OR51A7: variants seen among roughly 807,000 people sequenced by gnomAD.
The protein encoded by OR51A7 is olfactory receptor family 51 subfamily A member 7.
For missense variants in OR51A7, 409 were observed against 374.5 expected (o/e 1.09, Z -0.76); for synonymous variants, 143 against 135.5 (o/e 1.05, Z -0.38).
At position 4,908,281 on chromosome 11, in the gene OR51A7, G is replaced by C; in HGVS notation, c.912G>C (p.Gly304=). The change falls in exon 2 of 2, where the codon GGG becomes GGC. Residue 304 remains glycine, a synonymous_variant. Coordinates refer to ENST00000641490, the MANE Select transcript of OR51A7 (RefSeq NM_001004749.2). The part of the protein sequence containing the change: ...KTRQIWEKIL[G]KLLNVCGR ...GACAAATCTGGGAGAAGATCTTGGG[G>C]AAGTTGCTTAATGTATGTGGGAGAT... The C allele has an allele frequency of 2.5e-6, 4 of 1,614,068 alleles. No homozygotes were observed. The highest frequency in any genetic ancestry group is 3.4e-6 in the Non-Finnish European group (4 of 1,179,970).
At position 4,907,905 on chromosome 11, in the gene OR51A7, G is replaced by A; in HGVS notation, c.536G>A (p.Cys179Tyr). The change falls in exon 2 of 2, where the codon TGT becomes TAT. Residue 179 changes from cysteine to tyrosine, a missense_variant. By Grantham distance (194) the Cys-to-Tyr change is radical (BLOSUM62 -2). Coordinates refer to ENST00000641490, the MANE Select transcript of OR51A7 (RefSeq NM_001004749.2). The stretch of plus-strand genomic sequence containing the variant: ...AAGAATCTTCTTTCTCACTCATACT[G>A]TCTTCATCAGGATACCATGAAGCTG... The part of the protein sequence containing the change: ...CQKNLLSHSY[C>Y]LHQDTMKLAC... The A allele has an allele frequency of 1.2e-6, 2 of 1,613,976 alleles. No individual in the cohort carries two copies. Among genetic ancestry groups the A allele is most frequent in the Non-Finnish European group, 1.7e-6 (2 of 1,180,002 alleles).
chr11:4,907,376 G>A lies in OR51A7; in HGVS notation c.7G>A (p.Val3Ile), dbSNP rs1277336181. 1 of 1,608,910 alleles carries A rather than the reference G, an allele frequency of 6.2e-7. No homozygotes were observed. The highest frequency in any genetic ancestry group is 8.5e-7 in the Non-Finnish European group (1 of 1,175,998). MS[V>I]LNNSEVKLFL... ...AGCTCATATCTCCCTCATTATGTCT[G>A]TTCTCAATAACTCCGAAGTCAAGCT... The change falls in exon 2 of 2, where the codon GTT becomes ATT. Residue 3 changes from valine (V) to isoleucine (I), a missense_variant. Transcript: ENST00000641490.
chr11:4,907,198 A>G, intron 1 of OR51A7, 141 bp from the exon 2 acceptor site: 1 of 538,834 alleles, frequency 1.9e-6, no homozygotes, highest in East Asian at 2.8e-5. Flanking sequence ...AACTTGTTTA[A>G]GGACTTCTGG....
intron 1 of OR51A7, 63 bp downstream of exon 1, chr11:4,903,907 G>A (rs749704101): frequency 4.6e-5 from 7 of 152,072 alleles, no homozygotes; most frequent in Non-Finnish European, 1.0e-4. Context: ...TGGTTTCAGT[G>A]TGTGTGCATA....
chr11:4,908,369 T>G lies in OR51A7; in HGVS notation c.*61T>G. The G allele has an allele frequency of 5.8e-6, 8 of 1,377,880 alleles. No individual in the cohort carries two copies. Among genetic ancestry groups the G allele is most frequent in the Middle Eastern group, 3.5e-4 (2 of 5,646 alleles). The allele number at this position is 1,377,880 out of a possible 1,614,324, so 85.4% of individuals were successfully genotyped here. A position where few individuals can be genotyped will look rare whatever the true frequency, so the allele number is the denominator to read the frequency against. On this transcript the variant is annotated 3_prime_UTR_variant, in exon 2 of 2. Transcript: ENST00000641490. ...TAGGCATTTACTGTCATTTGCTATG[T>G]GCTTAATGCCATAGAAGTCACTAAT...
At chr11:4,906,688 G>A (rs1850894729) in intron 1 of OR51A7, among the ~76,000 whole-genome samples, 1 of 152,106 alleles carries the variant, frequency 6.6e-6, no homozygotes, top group Non-Finnish European at 1.5e-5. Flanking sequence ...AAGCCAACGT[G>A]GGTACTGCTG....
In OR51A7 at chr11:4,908,798, C is replaced by G. The variant is rs1196213580; in HGVS notation, c.*490C>G. The G allele has an allele frequency of 6.2e-6, 1 of 162,470 alleles. No individual in the cohort carries two copies. The highest frequency in any genetic ancestry group is 1.7e-4 in the East Asian group (1 of 5,758). The allele number at this position is 162,470 out of a possible 1,614,324, so 10.1% of individuals were successfully genotyped here. ...CAGATTTTGGAGCACCTAAAAAAAG[C>G]TTTGAAAAGTCTAAATTCAGGAGGT... On this transcript the variant is annotated 3_prime_UTR_variant, in exon 2 of 2. Transcript: ENST00000641490.
Position 4,907,655 on chromosome 11 carries a change from GC to G in OR51A7, c.288del (p.Cys97AlafsTer20). On this transcript the variant is annotated frameshift_variant, in exon 2 of 2. Transcript: ENST00000641490. LOFTEE classifies it low-confidence loss of function (END_TRUNC). The stretch of plus-strand genomic sequence containing the variant: ...CAATGCCATGGGAATTTCACCTAAT[GC>G]CTGCTTTGCTCAAGAATTCTTCATT... ...LFNAMGISPN[A>X]CFAQEFFIHG... 1 of 1,613,988 alleles carries G rather than the reference GC, an allele frequency of 6.2e-7. No individual in the cohort carries two copies. The highest frequency in any genetic ancestry group is 8.5e-7 in the Non-Finnish European group (1 of 1,179,984).
rs377362379 is a variant in OR51A7, at chr11:4,907,824, G to A, written c.455G>A (p.Ser152Asn). ...AKMGLILAIRSILLVIPFPFT... is the reference protein window; with the variant it reads ...AKMGLILAIRNILLVIPFPFT... ...ATGGGACTTATTTTAGCCATTAGGA[G>A]CATTCTCTTAGTGATTCCATTTCCC... is the stretch of plus-strand genomic sequence containing the variant. Residue 152 changes from serine (S) to asparagine (N), a missense_variant, in exon 2 of 2, where the codon AGC becomes AAC. Physicochemically the swap from Ser to Asn is conservative, Grantham distance 46 (BLOSUM62 1). Coordinates refer to ENST00000641490, the MANE Select transcript of OR51A7 (RefSeq NM_001004749.2). The A allele has an allele frequency of 8.1e-6, 13 of 1,613,784 alleles. No homozygotes were observed. The East Asian group carries it at 8.9e-5, about 11-fold the overall frequency.
chr11:4,904,730 C>G (rs1316589159), intron 1 of OR51A7, among the ~76,000 whole-genome samples: 1 of 151,934 alleles, frequency 6.6e-6, no homozygotes, highest in African/African-American at 2.4e-5. Flanking sequence ...AAAGAATGGA[C>G]ATCAATATCC....
chr11:4,907,351 A>T lies in OR51A7; in HGVS notation c.-19A>T. 63 of 1,441,240 alleles carry T rather than the reference A, an allele frequency of 4.4e-5. No homozygotes were observed. Among genetic ancestry groups the T allele is most frequent in the Non-Finnish European group, 5.5e-5 (57 of 1,029,314 alleles). The allele number at this position is 1,441,240 out of a possible 1,614,324, so 89.3% of individuals were successfully genotyped here. A position where few individuals can be genotyped will look rare whatever the true frequency, so the allele number is the denominator to read the frequency against. On this transcript the variant is annotated 5_prime_UTR_variant, in exon 2 of 2. Transcript: ENST00000641490. ...TATATGGTTTCAGATCCGGCTAACG[A>T]GCTCATATCTCCCTCATTATGTCTG...
intron 1 of OR51A7, among the ~76,000 whole-genome samples, chr11:4,904,665 A>G (rs966802881): frequency 2.0e-5 from 3 of 152,140 alleles, no homozygotes; most frequent in Non-Finnish European, 2.9e-5. Flanking sequence ...AAGTTCATCC[A>G]CATCCAAATG....
chr11:4,908,617 A>G lies in OR51A7; in HGVS notation c.*309A>G, dbSNP rs1169936284. 10 of 411,542 alleles carry G rather than the reference A, an allele frequency of 2.4e-5. No homozygotes were observed. The highest frequency in any genetic ancestry group is 4.5e-5 in the Non-Finnish European group (10 of 221,326). 25.5% of individuals were successfully genotyped at this position (411,542 alleles called of 1,614,324 possible). A position where few individuals can be genotyped will look rare whatever the true frequency, so the allele number is the denominator to read the frequency against. ...ACAATTTGGGCAGATTGAGATTACCATTCAGTTAGTATCTATTAAAAATAC... is the reference window on the plus strand; with the variant it reads ...ACAATTTGGGCAGATTGAGATTACCGTTCAGTTAGTATCTATTAAAAATAC... On this transcript the variant is annotated 3_prime_UTR_variant, in exon 2 of 2. Transcript: ENST00000641490.
Position 4,907,538 on chromosome 11 carries a change from G to A in OR51A7, c.169G>A (p.Glu57Lys), listed in dbSNP as rs1209730247. The A allele has an allele frequency of 5.6e-6, 9 of 1,613,980 alleles. No homozygotes were observed. The highest frequency in any genetic ancestry group is 2.2e-5 in the South Asian group (2 of 91,070). Residue 57 changes from glutamate (E) to lysine (K), a missense_variant, in exon 2 of 2, where the codon GAG (glutamate) becomes AAG (lysine). Physicochemically the swap from Glu to Lys is moderately conservative, Grantham distance 56 (BLOSUM62 1). Coordinates refer to ENST00000641490, the MANE Select transcript of OR51A7 (RefSeq NM_001004749.2). The stretch of plus-strand genomic sequence containing the variant: ...TATAAAGACAGAGCCCTCGCTTCAT[G>A]AGCCCATGTATTATTTCCTTGCCAT... Reference protein sequence around the residue: ...FIIKTEPSLHEPMYYFLAMLA... With the variant: ...FIIKTEPSLHKPMYYFLAMLA...
In OR51A7 at chr11:4,908,343, G is replaced by A. The variant is rs763805401; in HGVS notation, c.*35G>A. The A allele has an allele frequency of 1.3e-5, 21 of 1,562,234 alleles. No homozygotes were observed. The East Asian group carries it at 4.7e-4, about 35-fold the overall frequency. On this transcript the variant is annotated 3_prime_UTR_variant, in exon 2 of 2. Transcript: ENST00000641490. ...CAATTAGGTAATAAATTATCAACCA[G>A]TAGGCATTTACTGTCATTTGCTATG...
Position 4,908,342 on chromosome 11 carries a change from A to G in OR51A7, c.*34A>G. 1 of 1,565,826 alleles carries G rather than the reference A, an allele frequency of 6.4e-7. No homozygotes were observed. The highest frequency in any genetic ancestry group is 8.8e-7 in the Non-Finnish European group (1 of 1,137,312). On this transcript the variant is annotated 3_prime_UTR_variant, in exon 2 of 2. Coordinates refer to ENST00000641490, the MANE Select transcript of OR51A7 (RefSeq NM_001004749.2). ...ACAATTAGGTAATAAATTATCAACC[A>G]GTAGGCATTTACTGTCATTTGCTAT...
intron 1 of OR51A7, among the ~76,000 whole-genome samples, chr11:4,904,183 C>T (rs186419126): frequency 6.6e-6 from 1 of 152,074 alleles, no homozygotes; most frequent in African/African-American, 2.4e-5. Flanking sequence ...TAGAGACTAT[C>T]AGACAGCCTA....
At chr11:4,904,947 A>G (rs1850860666) in intron 1 of OR51A7, among the ~76,000 whole-genome samples, 2 of 152,162 alleles carry the variant, frequency 1.3e-5, no homozygotes, top group Admixed American at 6.5e-5. Flanking sequence ...GTAGTAATGG[A>G]GTTTGGTAGG....
rs2133565418 is a variant in OR51A7, at chr11:4,907,322, C to CA, written c.-31-16dup. ...TTTAACCAAAAGCATGACTGCTTTT[C>CA]ATTTATATGGTTTCAGATCCGGCTA... On this transcript the variant is annotated splice_polypyrimidine_tract_variant and intron_variant, in intron 1 of 1. Transcript: ENST00000641490. 1 of 1,323,854 alleles carries CA rather than the reference C, an allele frequency of 7.6e-7. No individual in the cohort carries two copies. Among genetic ancestry groups the CA allele is most frequent in the Non-Finnish European group, 1.1e-6 (1 of 936,912 alleles). The allele number at this position is 1,323,854 out of a possible 1,614,324, so 82.0% of individuals were successfully genotyped here.
Sources: gnomAD v4.1 joint callset for allele counts (sites outside exome capture counted in the v4.1 genomes callset) on GRCh38, gnomAD v4.1.1 for gene constraint, MANE v1.5 for transcripts, NCBI Gene and HGNC (gene_info 2026-07-23, HGNC 2026-07-21) for gene names.